Variants in CYB5R4 observed in about 807,000 individuals in gnomAD.
The protein encoded by CYB5R4 is N-terminal cytochrome b5 and cytochrome b5 oxidoreductase domain-containing protein.
Under a neutral mutation model 70.2 loss-of-function variants are expected in CYB5R4, and 55 were observed. The observed-to-expected ratio is 0.78, with a 90% CI of 0.63 to 0.98. The LOEUF is 0.98. Ranked by LOEUF, CYB5R4 falls within the 50% of genes least tolerant of loss-of-function variation. The pLI is 0.00. For synonymous variants in CYB5R4, 197 were observed against 199.5 expected, an observed-to-expected ratio of 0.99 and a Z score of 0.11; for missense variants, 562 against 612.6, an observed-to-expected ratio of 0.92 and a Z score of 0.87.
intron 8 of CYB5R4, among the ~76,000 whole-genome samples, chr6:83,921,789 C>A (rs1211620404): frequency 1.3e-5 from 2 of 152,144 alleles, no homozygotes; most frequent in Non-Finnish European, 2.9e-5. Flanking sequence ...TGACTGAAAT[C>A]ATACAAAATT....
intron 6 of CYB5R4, 128 bp from the exon 7 acceptor site, chr6:83,919,269 A>AG: frequency 1.9e-6 from 1 of 527,294 alleles, no homozygotes; most frequent in Admixed American, 4.2e-5. Flanking sequence ...CAGTTTATTT[A>AG]GAAAAAAAGC....
intron 3 of CYB5R4, among the ~76,000 whole-genome samples, chr6:83,908,522 A>G (rs1268171498): frequency 1.3e-5 from 2 of 152,234 alleles, no homozygotes; most frequent in Non-Finnish European, 2.9e-5. Context: ...AATTTAATTA[A>G]TAATTTTTCT....
chr6:83,878,036 A>G (rs78647051), intron 2 of CYB5R4, among the ~76,000 whole-genome samples: 2 of 152,008 alleles, frequency 1.3e-5, no homozygotes, highest in Non-Finnish European at 2.9e-5. Flanking sequence ...TGTTTGAATA[A>G]TTTTTATTGC....
chr6:83,870,971 CTTTTTTTTTTT>C (rs759131653), intron 2 of CYB5R4, among the ~76,000 whole-genome samples: 1 of 88,618 alleles, frequency 1.1e-5, no homozygotes, highest in Non-Finnish European at 2.1e-5. Context: ...TCATTGTTTG[CTTTTTTTTTTT>C]TTTTTTTTTT....
At chr6:83,917,681 G>T (rs546789501) in intron 5 of CYB5R4, among the ~76,000 whole-genome samples, 1 of 152,084 alleles carries the variant, frequency 6.6e-6, no homozygotes, top group Non-Finnish European at 1.5e-5. Context: ...CAGACTAAAA[G>T]AGAACATGTG....
rs2099462075 is a variant in CYB5R4, at chr6:83,897,348, C to T, written c.330+3726C>T. ...GTCTTTGCTGTTGTGAATAGTGCCA[C>T]AATAAACATACATGTGCATGTGTCT... On this transcript the variant is annotated intron_variant, in intron 3 of 15. Coordinates refer to ENST00000369681, the MANE Select transcript of CYB5R4 (RefSeq NM_016230.4). Among the ~76,000 whole-genome samples, 3 of 152,186 alleles carry T rather than the reference C, an allele frequency of 2.0e-5. No homozygotes were observed. The South Asian group carries it at 6.2e-4, about 32-fold the overall frequency.
chr6:83,907,775 A>G (rs1307297344), intron 3 of CYB5R4, among the ~76,000 whole-genome samples: 2 of 152,196 alleles, frequency 1.3e-5, no homozygotes, highest in African/African-American at 4.8e-5. Context: ...AATGGCCTCC[A>G]GCTCCATCCA....
chr6:83,874,966 G>T (rs2099458296), intron 2 of CYB5R4, among the ~76,000 whole-genome samples: 2 of 151,884 alleles, frequency 1.3e-5, no homozygotes, highest in Non-Finnish European at 2.9e-5. Context: ...GGGATAACAG[G>T]TGTGCACCAC....
chr6:83,930,005 A>G lies in CYB5R4; in HGVS notation c.815-4590A>G, dbSNP rs576842230. On this transcript the variant is annotated intron_variant, in intron 10 of 15. Transcript: ENST00000369681. ...CACAATTTTTTTGGTTTCCCAGTGC[A>G]TGTAAAATTATATTTACATTATACT... Among the ~76,000 whole-genome samples the G allele has an allele frequency of 7.7e-4, 118 of 152,332 alleles. 1 individual carries two copies. Among genetic ancestry groups the G allele is most frequent in the Non-Finnish European group, 1.1e-3 (75 of 68,010 alleles).
intron 2 of CYB5R4, among the ~76,000 whole-genome samples, chr6:83,876,667 A>G (rs1277391609): frequency 1.3e-5 from 2 of 152,028 alleles, no homozygotes; most frequent in South Asian, 2.1e-4. Flanking sequence ...TTTTACTTCT[A>G]TATAAGCTGA....
intron 14 of CYB5R4, 30 bp downstream of exon 14, chr6:83,940,631 G>C: frequency 1.3e-6 from 2 of 1,580,292 alleles, no homozygotes; most frequent in Non-Finnish European, 1.7e-6. Context: ...TCTGCGTTTA[G>C]TTATTTATAC....
chr6:83,897,935 G>T (rs550127150), intron 3 of CYB5R4, among the ~76,000 whole-genome samples: 437 of 152,214 alleles, frequency 2.9e-3, no homozygotes, highest in Non-Finnish European at 4.9e-3. Flanking sequence ...TGTTGCCATT[G>T]CTTTTGATGT....
intron 2 of CYB5R4, 31 bp downstream of exon 2, chr6:83,864,359 A>G: frequency 6.3e-7 from 1 of 1,584,142 alleles, no homozygotes; most frequent in Non-Finnish European, 8.6e-7. Context: ...CCTTCAAAAA[A>G]TGTTGCCTGA....
At chr6:83,914,541 C>CT (rs999965098) in intron 5 of CYB5R4, 93 bp downstream of exon 5, 57 of 1,165,346 alleles carry the variant, frequency 4.9e-5, no homozygotes, top group Middle Eastern at 3.2e-4. Context: ...AAATTTTTTT[C>CT]TTTTTTTTCT....
At chr6:83,907,947 A>G (rs1307677105) in intron 3 of CYB5R4, among the ~76,000 whole-genome samples, 2 of 152,154 alleles carry the variant, frequency 1.3e-5, no homozygotes, top group Non-Finnish European at 2.9e-5. Flanking sequence ...AGTCGTGTAC[A>G]TGAGTCTTTA....
chr6:83,914,558 G>C, intron 5 of CYB5R4, 110 bp downstream of exon 5: 3 of 991,288 alleles, frequency 3.0e-6, no homozygotes, highest in Non-Finnish European at 4.1e-6. Flanking sequence ...TTCTTTTTGA[G>C]ATGGAGTATT....
intron 2 of CYB5R4, among the ~76,000 whole-genome samples, chr6:83,886,757 C>G (rs895844330): frequency 6.6e-6 from 1 of 152,116 alleles, no homozygotes; most frequent in Non-Finnish European, 1.5e-5. Flanking sequence ...TTTTAAAGAA[C>G]TAATGAGCTA....
In CYB5R4 at chr6:83,909,073, A is replaced by T. The variant is rs760674262; in HGVS notation, c.395A>T (p.Lys132Ile). The T allele has an allele frequency of 5.6e-6, 9 of 1,613,820 alleles. No individual in the cohort carries two copies. In the Admixed American group the frequency reaches 1.2e-4, roughly 21 times the overall value. Reference protein sequence around the residue: ...KECLVGRMAIKPAVLKDYREE... With the variant: ...KECLVGRMAIIPAVLKDYREE... ...TGCCTGGTTGGCAGAATGGCCATTA[A>T]ACCTGCTGTTCTGAAAGGTAAGTGG... The change falls in exon 4 of 16, where the codon AAA (lysine) becomes ATA (isoleucine). Residue 132 changes from lysine to isoleucine, a missense_variant. Transcript: ENST00000369681.
intron 3 of CYB5R4, among the ~76,000 whole-genome samples, chr6:83,906,251 C>T (rs1270374944): frequency 6.6e-6 from 1 of 152,160 alleles, no homozygotes; most frequent in Non-Finnish European, 1.5e-5. Flanking sequence ...GCCCATGGTG[C>T]GGTAGCTGGC....
Sources: allele counts gnomAD v4.1 joint callset (sites outside exome capture counted in the v4.1 genomes callset), GRCh38; gene constraint gnomAD v4.1.1; transcripts MANE v1.5; gene names NCBI Gene and HGNC (gene_info 2026-07-23, HGNC 2026-07-21).